Variants in LMO2 observed in about 807,000 individuals in gnomAD.
LMO2 encodes LIM domain only 2.
LMO2 carries 20 observed loss-of-function variants against 23.2 expected under a neutral mutation model. The ratio of observed to expected loss-of-function variants is 0.86; its 90% confidence interval spans 0.61 to 1.25. LMO2 has a LOEUF of 1.25. LMO2 is among the 50% of genes most tolerant of loss of function. The pLI, the probability that LMO2 is intolerant of heterozygous loss-of-function variation, is 0.00. For missense variants in LMO2, 270 were observed against 315.3 expected, an observed-to-expected ratio of 0.86 and a Z score of 1.09; for synonymous variants, 123 against 130.2, an observed-to-expected ratio of 0.94 and a Z score of 0.38.
intron 4 of LMO2, among the ~76,000 whole-genome samples, chr11:33,868,805 C>A (rs2133697014): frequency 6.6e-6 from 1 of 152,338 alleles, no homozygotes; most frequent in East Asian, 1.9e-4. Flanking sequence ...AGGCCCAGAG[C>A]CAGCTCCGAG....
chr11:33,869,530 T>C lies in LMO2; in HGVS notation c.64A>G (p.Ser22Gly), dbSNP rs1247258663. 16 of 1,253,098 alleles carry C rather than the reference T, an allele frequency of 1.3e-5. No individual in the cohort carries two copies. The highest frequency in any genetic ancestry group is 1.5e-5 in the Non-Finnish European group (15 of 988,680). 77.6% of individuals were successfully genotyped at this position (1,253,098 alleles called of 1,614,324 possible). Residue 22 changes from serine to glycine, a missense_variant, in exon 4 of 6, where the codon AGC becomes GGC. Physicochemically the swap from Ser to Gly is moderately conservative, Grantham distance 56. This residue lies in a region of LMO2 where 170 missense variants were observed against 162.0 expected (regional missense o/e 1.05). Transcript: ENST00000257818. Reference protein sequence around the residue: ...GGASSPAERRSKRRRRSGGDG... With the variant: ...GGASSPAERRGKRRRRSGGDG... Reference sequence around the variant, plus strand: ...CCGCCGCTCCTGCGCCTCCGCTTGCTCCGGCGCTCCGCCGGCGAGCTCGCC... The same window carrying C: ...CCGCCGCTCCTGCGCCTCCGCTTGCCCCGGCGCTCCGCCGGCGAGCTCGCC...
chr11:33,863,816 T>C (rs1856672343), intron 5 of LMO2, among the ~76,000 whole-genome samples: 1 of 152,248 alleles, frequency 6.6e-6, no homozygotes. Flanking sequence ...TCCATCCCTT[T>C]GCTCATTAGA....
intron 5 of LMO2, 140 bp from the exon 6 acceptor site, chr11:33,859,715 C>T (rs745686041): frequency 1.3e-4 from 86 of 671,634 alleles, no homozygotes; most frequent in Non-Finnish European, 1.9e-4. Context: ...GAAGGAGGGC[C>T]GGCTAGTGCA....
At position 33,859,157 on chromosome 11, in the gene LMO2, CTTCT is replaced by C. The variant is rs1283447971; in HGVS notation, c.*195_*198del. On this transcript the variant is annotated 3_prime_UTR_variant, in exon 6 of 6. Coordinates refer to ENST00000257818, the MANE Select transcript of LMO2 (RefSeq NM_005574.4). ...ATAAGTTCTCCCTCAAGGGCTGGTC[CTTCT>C]GTCACCTTGAAGTGTCAGCCCCTGA... The C allele has an allele frequency of 1.8e-6, 1 of 554,254 alleles. No homozygotes were observed. Among genetic ancestry groups the C allele is most frequent in the Admixed American group, 3.1e-5 (1 of 31,810 alleles). The allele number at this position is 554,254 out of a possible 1,614,324, so 34.3% of individuals were successfully genotyped here.
chr11:33,889,237 A>T (rs1321338846), intron 1 of LMO2, among the ~76,000 whole-genome samples: 1 of 152,138 alleles, frequency 6.6e-6, no homozygotes, highest in Non-Finnish European at 1.5e-5. Context: ...CCAAGAATTT[A>T]AAAATAAACA....
At position 33,880,827 on chromosome 11, in the gene LMO2, A is replaced by G. The variant is rs1360083532; in HGVS notation, c.-272+997T>C. On this transcript the variant is annotated intron_variant, in intron 2 of 5. Coordinates refer to ENST00000257818, the MANE Select transcript of LMO2 (RefSeq NM_005574.4). The surrounding 1 kb of genome is among the most constrained non-coding windows in gnomAD (Gnocchi z 4.3). ...ATCTGTGGAACCATTCGACAACCAA[A>G]TGTTATGGGGAAGCCAGTCTCATGA... The G allele has an allele frequency of 9.4e-6, 2 of 212,112 alleles. No homozygotes were observed. Among genetic ancestry groups the G allele is most frequent in the Non-Finnish European group, 1.9e-5 (2 of 103,702 alleles). 13.1% of individuals were successfully genotyped at this position (212,112 alleles called of 1,614,324 possible). A position where few individuals can be genotyped will look rare whatever the true frequency, so the allele number is the denominator to read the frequency against.
intron 2 of LMO2, chr11:33,870,413 G>C: frequency 1.0e-6 from 1 of 985,590 alleles, no homozygotes; most frequent in Non-Finnish European, 1.2e-6. Flanking sequence ...CACGGACGCC[G>C]TGCACTGGGA....
intron 2 of LMO2, chr11:33,870,948 G>T: frequency 1.9e-6 from 1 of 516,420 alleles, no homozygotes; most frequent in Non-Finnish European, 2.5e-6. Context: ...GGCTCTCCTG[G>T]GCCTCAGAGT....
At chr11:33,878,536 T>TA (rs1203527780) in intron 2 of LMO2, among the ~76,000 whole-genome samples, 3 of 152,240 alleles carry the variant, frequency 2.0e-5, no homozygotes, top group Non-Finnish European at 4.4e-5. Flanking sequence ...GTCATTGAGA[T>TA]AATGTATGCA....
At chr11:33,859,682 G>A in intron 5 of LMO2, 107 bp from the exon 6 acceptor site, 2 of 966,252 alleles carry the variant, frequency 2.1e-6, no homozygotes, top group Non-Finnish European at 3.0e-6. Context: ...AGGATGTCAG[G>A]AAGCCAGGGA....
chr11:33,877,936 C>T (rs1320542847), intron 2 of LMO2, among the ~76,000 whole-genome samples: 1 of 151,894 alleles, frequency 6.6e-6, no homozygotes, highest in Non-Finnish European at 1.5e-5. Context: ...CTTCAGTCAC[C>T]CCTCATGTGT....
chr11:33,888,669 T>C (rs972414697), intron 1 of LMO2, among the ~76,000 whole-genome samples: 16 of 152,334 alleles, frequency 1.1e-4, no homozygotes, highest in African/African-American at 2.6e-4. Flanking sequence ...CCTCACTCTG[T>C]GTTATTTTTC....
intron 1 of LMO2, among the ~76,000 whole-genome samples, chr11:33,890,814 T>C (rs563153618): frequency 1.3e-5 from 2 of 152,352 alleles, no homozygotes; most frequent in African/African-American, 4.8e-5. Context: ...AATGACCCTA[T>C]GGGTACCCCT....
intron 2 of LMO2, 58 bp from the exon 3 acceptor site, chr11:33,870,045 T>G: frequency 3.9e-5 from 23 of 589,514 alleles, no homozygotes; most frequent in East Asian, 1.1e-4. Flanking sequence ...AGCTGCCCGG[T>G]CCCCCCACCT....
chr11:33,872,057 G>A lies in LMO2; in HGVS notation c.-271-2070C>T, dbSNP rs143630579. On this transcript the variant is annotated intron_variant, in intron 2 of 5. Transcript: ENST00000257818. ...GGCGATCCCAGCACTTTGAGAGGCC[G>A]AGGCGGGTGGATCACTTGAGGTCAG... Among the ~76,000 whole-genome samples the A allele has an allele frequency of 2.5e-3, 386 of 152,244 alleles. 4 individuals are homozygous for A. Among genetic ancestry groups the A allele is most frequent in the African/African-American group, 8.8e-3 (366 of 41,542 alleles).
At chr11:33,877,910 A>G (rs573205314) in intron 2 of LMO2, among the ~76,000 whole-genome samples, 1 of 151,084 alleles carries the variant, frequency 6.6e-6, no homozygotes, top group South Asian at 2.1e-4. Flanking sequence ...TTTTTCTGCC[A>G]GTTTTTGCTG....
rs111991485 is a variant in LMO2, at chr11:33,864,617, C to T, written c.449G>A (p.Arg150Gln). 1.9e-6 allele frequency: 3 copies of T among 1,613,404 alleles called. No individual in the cohort carries two copies. The highest frequency in any genetic ancestry group is 1.1e-5 in the South Asian group (1 of 91,048). ...GGGAGGGTACCTGAGATAGTCTCTC[C>T]GGCAGAGCTTCCGGCCCAGTTTGTA... ...LYYKLGRKLC[R>Q]RDYLRLFGQD... The change falls in exon 5 of 6, where the codon CGG (arginine) becomes CAG (glutamine). Residue 150 changes from arginine to glutamine, a missense_variant. This residue lies in a region of LMO2 where 100 missense variants were observed against 153.3 expected (regional missense o/e 0.65). Transcript: ENST00000257818. This position sits in a 1 kb window ranked among gnomAD's most constrained non-coding sequence, Gnocchi z 4.8.
intron 5 of LMO2, among the ~76,000 whole-genome samples, chr11:33,861,605 G>A (rs946407066): frequency 1.3e-5 from 2 of 152,176 alleles, no homozygotes; most frequent in African/African-American, 2.4e-5. Context: ...GTCACAGAGT[G>A]GAAAGACAGT....
At chr11:33,860,014 G>A (rs899741352) in intron 5 of LMO2, among the ~76,000 whole-genome samples, 6 of 152,124 alleles carry the variant, frequency 3.9e-5, no homozygotes, top group East Asian at 1.9e-4. Flanking sequence ...GCAATAAAAC[G>A]GGCATTCTTC....
Sources: allele counts gnomAD v4.1 joint callset (sites outside exome capture counted in the v4.1 genomes callset), GRCh38; gene constraint gnomAD v4.1.1; regional missense constraint gnomAD v4.1.1; non-coding constraint Gnocchi (gnomAD v3.1); transcripts MANE v1.5; gene names NCBI Gene and HGNC (gene_info 2026-07-23, HGNC 2026-07-21).